LRMDA: variants seen among roughly 807,000 people sequenced by gnomAD.
The protein encoded by LRMDA is leucine-rich melanocyte differentiation-associated protein.
LRMDA carries 18 observed loss-of-function variants against 29.8 expected under a neutral mutation model. The observed-to-expected ratio is 0.60, with a 90% CI of 0.42 to 0.90. LRMDA has a LOEUF of 0.90. LRMDA is among the 40% of genes least tolerant of loss of function. The probability of loss-of-function intolerance (pLI) is 0.00; values close to 1 mark genes in which losing one functional copy is unlikely to be tolerated. For missense variants in LRMDA, 273 were observed against 273.9 expected, an observed-to-expected ratio of 1.00 and a Z score of 0.02; for synonymous variants, 125 against 109.4, an observed-to-expected ratio of 1.14 and a Z score of -0.89.
chr10:76,517,076 A>G (rs75662836), intron 6 of LRMDA, among the ~76,000 whole-genome samples: 3,357 of 152,286 alleles, frequency 0.022, 76 homozygotes, highest in African/African-American at 0.054. Context: ...ATAACCAGAA[A>G]TGGAAAGTCT....
intron 5 of LRMDA, among the ~76,000 whole-genome samples, chr10:76,320,565 T>A (rs551936332): frequency 1.3e-5 from 2 of 152,304 alleles, no homozygotes; most frequent in Admixed American, 6.5e-5. Context: ...TGGGTTCATG[T>A]CAATATAGGA....
intron 6 of LRMDA, among the ~76,000 whole-genome samples, chr10:76,376,026 T>TA (rs1424453893): frequency 6.6e-6 from 1 of 151,864 alleles, no homozygotes; most frequent in Non-Finnish European, 1.5e-5. Flanking sequence ...GACATGAGGG[T>TA]ACAAGTACAT....
At chr10:76,167,884 G>A (rs1053444054) in intron 5 of LRMDA, among the ~76,000 whole-genome samples, 6 of 152,120 alleles carry the variant, frequency 3.9e-5, no homozygotes, top group African/African-American at 1.4e-4. Flanking sequence ...TCCCATCCAT[G>A]AGCATGGAAT....
At chr10:76,304,863 G>C (rs1840531725) in intron 5 of LRMDA, among the ~76,000 whole-genome samples, 1 of 152,128 alleles carries the variant, frequency 6.6e-6, no homozygotes, top group South Asian at 2.1e-4. Flanking sequence ...CCCTGCGGGA[G>C]CAGGAGAACA....
chr10:76,001,560 AACTG>A (rs1334036114), intron 2 of LRMDA, among the ~76,000 whole-genome samples: 7 of 152,212 alleles, frequency 4.6e-5, no homozygotes, highest in African/African-American at 1.4e-4. Context: ...ATTTGCACTT[AACTG>A]ACTGATGAAT....
intron 5 of LRMDA, among the ~76,000 whole-genome samples, chr10:76,200,419 A>G (rs1443928529): frequency 6.6e-6 from 1 of 152,184 alleles, no homozygotes; most frequent in Non-Finnish European, 1.5e-5. Flanking sequence ...ACTTTTTGCC[A>G]GTTTATAATA....
chr10:76,359,988 T>A (rs1457674738), intron 6 of LRMDA, among the ~76,000 whole-genome samples: 1 of 152,020 alleles, frequency 6.6e-6, no homozygotes, highest in African/African-American at 2.4e-5. Context: ...CATTTCTTTT[T>A]CTTTTGTTTT....
chr10:76,372,096 A>G (rs1841461177), intron 6 of LRMDA, among the ~76,000 whole-genome samples: 2 of 152,170 alleles, frequency 1.3e-5, no homozygotes, highest in African/African-American at 2.4e-5. Flanking sequence ...TTAGCCACCT[A>G]GTGAGCAGCT....
intron 5 of LRMDA, among the ~76,000 whole-genome samples, chr10:76,087,889 G>C (rs1849162524): frequency 1.3e-5 from 2 of 152,140 alleles, no homozygotes; most frequent in Admixed American, 1.3e-4. Flanking sequence ...TGGGAGGCTA[G>C]AGTGGAAGGA....
intron 2 of LRMDA, among the ~76,000 whole-genome samples, chr10:75,454,418 C>T (rs1365067683): frequency 6.6e-6 from 1 of 152,102 alleles, no homozygotes; most frequent in Non-Finnish European, 1.5e-5. Flanking sequence ...TGAGACCTTC[C>T]CGTCTCCTTT....
chr10:76,327,940 G>A (rs764305850), intron 6 of LRMDA, among the ~76,000 whole-genome samples: 3 of 152,150 alleles, frequency 2.0e-5, no homozygotes, highest in South Asian at 2.1e-4. Flanking sequence ...GCGGTTTGAC[G>A]GTAGGGAAGG....
intron 5 of LRMDA, among the ~76,000 whole-genome samples, chr10:76,196,544 G>C (rs542623942): frequency 1.8e-4 from 28 of 152,240 alleles, no homozygotes; most frequent in African/African-American, 6.3e-4. Flanking sequence ...ACACTGCTTT[G>C]CTCTGTACCA....
At position 75,925,713 on chromosome 10, in the gene LRMDA, C is replaced by T. The variant is rs537068862; in HGVS notation, c.132-110295C>T. 4.8e-5 allele frequency among the ~76,000 whole-genome samples: 7 copies of T among 145,466 alleles called. No homozygotes were observed. In the South Asian group the frequency reaches 1.6e-3, roughly 33 times the overall value. On this transcript the variant is annotated intron_variant, in intron 2 of 6. Coordinates refer to ENST00000611255, the MANE Select transcript of LRMDA (RefSeq NM_001305581.2). ...ACAGAGTCTCGCTGGAGTGCAGTGA[C>T]ACAGTCTCGGTTCACTGCAGCCTCT...
intron 5 of LRMDA, chr10:76,270,685 A>G (rs1330790372): frequency 1.3e-5 from 2 of 152,162 alleles, no homozygotes; most frequent in East Asian, 1.9e-4. Context: ...ATGCAATCCA[A>G]TGCTTCTTGC....
intron 6 of LRMDA, among the ~76,000 whole-genome samples, chr10:76,337,349 C>T (rs371799816): frequency 3.3e-5 from 5 of 152,052 alleles, no homozygotes; most frequent in African/African-American, 7.2e-5. Flanking sequence ...AAGATGAAAA[C>T]GACAGCAGAT....
At chr10:75,488,846 TC>T (rs1398273868) in intron 2 of LRMDA, among the ~76,000 whole-genome samples, 1 of 152,110 alleles carries the variant, frequency 6.6e-6, no homozygotes, top group Non-Finnish European at 1.5e-5. Context: ...GCCTTCCTGT[TC>T]CCCAGAAGCG....
At chr10:76,153,615 T>A (rs1170863155) in intron 5 of LRMDA, among the ~76,000 whole-genome samples, 1 of 152,218 alleles carries the variant, frequency 6.6e-6, no homozygotes, top group Non-Finnish European at 1.5e-5. Context: ...TTAAAAGGAA[T>A]GTATGCTGTT....
chr10:76,515,220 G>A (rs1012369000), intron 6 of LRMDA, among the ~76,000 whole-genome samples: 3 of 152,146 alleles, frequency 2.0e-5, no homozygotes, highest in African/African-American at 7.2e-5. Context: ...GTGGGAGTAT[G>A]TGGAAATGTT....
At chr10:76,472,095 C>T (rs1029887812) in intron 6 of LRMDA, among the ~76,000 whole-genome samples, 1 of 151,650 alleles carries the variant, frequency 6.6e-6, no homozygotes, top group Admixed American at 6.6e-5. Context: ...CATCTGTAGA[C>T]CTTCCACCCA....
Sources: gnomAD v4.1 joint callset for allele counts (sites outside exome capture counted in the v4.1 genomes callset) on GRCh38, gnomAD v4.1.1 for gene constraint, MANE v1.5 for transcripts, NCBI Gene and HGNC (gene_info 2026-07-23, HGNC 2026-07-21) for gene names.